HIVEP3: variants seen among roughly 807,000 people sequenced by gnomAD.
HIVEP3 encodes the protein transcription factor HIVEP3.
HIVEP3 carries 49 observed loss-of-function variants against 152.8 expected under a neutral mutation model. That is an observed-to-expected ratio of 0.32 (90% CI 0.26 to 0.41). The LOEUF is 0.41. Among genes scored for constraint, HIVEP3 ranks in the 10% least tolerant of loss-of-function variants. HIVEP3 has a pLI of 1.00. For synonymous variants in HIVEP3, 1,269 were observed against 1,289.0 expected (o/e 0.98, Z 0.33); for missense variants, 2,790 against 3,103.3 (o/e 0.90, Z 2.40).
chr1:41,768,338 G>T (rs538600697), intron 1 of HIVEP3, among the ~76,000 whole-genome samples: 6 of 152,104 alleles, frequency 3.9e-5, no homozygotes, highest in Non-Finnish European at 5.9e-5. Flanking sequence ...ATTCACTATC[G>T]CAAGAAGAGC....
chr1:41,625,861 T>TA (rs1645110091), intron 3 of HIVEP3, among the ~76,000 whole-genome samples: 1 of 152,230 alleles, frequency 6.6e-6, no homozygotes, highest in African/African-American at 2.4e-5. Flanking sequence ...AATTTGAACT[T>TA]AAAAAATAAT....
chr1:41,645,069 G>A lies in HIVEP3; in HGVS notation c.-720-16122C>T, dbSNP rs1281230130. Among the ~76,000 whole-genome samples the A allele has an allele frequency of 2.0e-4, 30 of 152,154 alleles. 1 individual carries two copies. Among genetic ancestry groups the A allele is most frequent in the Non-Finnish European group, 2.9e-5 (2 of 68,032 alleles). On this transcript the variant is annotated intron_variant, in intron 2 of 8. Transcript: ENST00000372583. ...CTCCACCCAGACCCAACATTCCAGA[G>A]AACAGGCAATACTGAGAACCATGCT...
intron 1 of HIVEP3, among the ~76,000 whole-genome samples, chr1:41,879,055 A>G (rs1029192973): frequency 1.7e-4 from 21 of 122,098 alleles, no homozygotes; most frequent in African/African-American, 5.4e-4. Flanking sequence ...TAATGCAGGC[A>G]CCTAAGCACT....
At chr1:41,975,704 G>A (rs963025616) in intron 1 of HIVEP3, among the ~76,000 whole-genome samples, 7 of 152,186 alleles carry the variant, frequency 4.6e-5, no homozygotes, top group African/African-American at 1.2e-4. Context: ...TGCCAAGGCC[G>A]CTCTCAAAGG....
At chr1:41,601,043 C>G (rs1019284437) in intron 3 of HIVEP3, among the ~76,000 whole-genome samples, 1 of 152,080 alleles carries the variant, frequency 6.6e-6, no homozygotes, top group Non-Finnish European at 1.5e-5. Flanking sequence ...TTCTTGGCAC[C>G]CGTGTTGAAG....
At chr1:41,736,143 T>G (rs1306729467) in intron 1 of HIVEP3, among the ~76,000 whole-genome samples, 3 of 152,120 alleles carry the variant, frequency 2.0e-5, no homozygotes, top group South Asian at 4.1e-4. Flanking sequence ...CGCTCCCACT[T>G]AGGAAGGAAT....
chr1:41,983,286 T>A (rs1411035205), intron 1 of HIVEP3, among the ~76,000 whole-genome samples: 2 of 152,224 alleles, frequency 1.3e-5, no homozygotes, highest in African/African-American at 4.8e-5. Context: ...TATCAAAAAT[T>A]ACTTACAGCA....
At chr1:41,735,791 A>T (rs1447376030) in intron 1 of HIVEP3, among the ~76,000 whole-genome samples, 2 of 152,162 alleles carry the variant, frequency 1.3e-5, no homozygotes, top group African/African-American at 2.4e-5. Context: ...TCACTGCCAG[A>T]CAAAGCCGCC....
chr1:41,610,632 G>A (rs934049042), intron 3 of HIVEP3, among the ~76,000 whole-genome samples: 1 of 152,210 alleles, frequency 6.6e-6, no homozygotes, highest in African/African-American at 2.4e-5. Context: ...GCCTTCTTCA[G>A]CTCTGGTGAG....
chr1:41,717,129 G>C (rs142682865), intron 1 of HIVEP3, among the ~76,000 whole-genome samples: 2,211 of 152,274 alleles, frequency 0.015, 25 homozygotes, highest in Non-Finnish European at 0.018. Context: ...CTGGGGGAAG[G>C]TTCTGGGTCT....
rs1557521207 is a variant in HIVEP3, at chr1:41,918,798, G to A, written c.-1186C>T. On this transcript the variant is annotated 5_prime_UTR_variant, in exon 1 of 9. Transcript: ENST00000372583. This position sits in a 1 kb window ranked among gnomAD's most constrained non-coding sequence, Gnocchi z 4.3. ...AAACCCAAACAGAAGCATCCCTCTT[G>A]AATTCGTGCTGCTGAAAAACACGGA... The A allele has an allele frequency of 6.6e-6, 1 of 152,176 alleles. No homozygotes were observed. 9.4% of individuals were successfully genotyped at this position (152,176 alleles called of 1,614,324 possible).
At chr1:41,631,862 C>T (rs192505248) in intron 2 of HIVEP3, among the ~76,000 whole-genome samples, 1 of 152,298 alleles carries the variant, frequency 6.6e-6, no homozygotes, top group Admixed American at 6.5e-5. Context: ...GAAACACTCA[C>T]TTCTCAGAAC....
intron 1 of HIVEP3, among the ~76,000 whole-genome samples, chr1:41,793,658 G>A (rs994956963): frequency 2.6e-5 from 4 of 152,126 alleles, no homozygotes; most frequent in African/African-American, 9.7e-5. Context: ...ATATATTCAG[G>A]GAAATATATT....
chr1:41,622,905 G>A (rs1024100898), intron 3 of HIVEP3, among the ~76,000 whole-genome samples: 3 of 152,226 alleles, frequency 2.0e-5, no homozygotes, highest in African/African-American at 7.2e-5. Context: ...ACTGGGCTGT[G>A]CCCTTTACAC....
intron 1 of HIVEP3, among the ~76,000 whole-genome samples, chr1:41,739,679 C>G (rs531770761): frequency 6.6e-6 from 1 of 152,374 alleles, no homozygotes; most frequent in South Asian, 2.1e-4. Flanking sequence ...CCAAGCATGT[C>G]TCAACCCCAG....
chr1:41,582,031 C>G lies in HIVEP3; in HGVS notation c.2767G>C (p.Glu923Gln), dbSNP rs747314389. The G allele has an allele frequency of 6.2e-7, 1 of 1,614,156 alleles. No individual in the cohort carries two copies. The highest frequency in any genetic ancestry group is 8.5e-7 in the Non-Finnish European group (1 of 1,180,028). The stretch of plus-strand genomic sequence containing the variant: ...CTGCGAGACAGAGGCACAGAGGACT[C>G]GAAGCTGGACTCCCCTGATGATTGG... ...MAQSSGESSF[E>Q]SSVPLSRSPS... The change falls in exon 4 of 9, where the codon GAG becomes CAG. Residue 923 changes from glutamate to glutamine, a missense_variant. Around this residue, in one of 9 missense-constraint regions of HIVEP3, gnomAD observed 1,078 missense variants for 1,165.3 expected, o/e 0.93. Transcript: ENST00000372583. This position sits in a 1 kb window ranked among gnomAD's most constrained non-coding sequence, Gnocchi z 4.7.
At chr1:41,684,258 C>T (rs1646083127) in intron 2 of HIVEP3, among the ~76,000 whole-genome samples, 1 of 152,316 alleles carries the variant, frequency 6.6e-6, no homozygotes, top group African/African-American at 2.4e-5. Flanking sequence ...GAAAGGGAAG[C>T]CCAGCCTGCT....
intron 3 of HIVEP3, among the ~76,000 whole-genome samples, chr1:41,616,413 T>A (rs1472251633): frequency 2.6e-5 from 4 of 152,140 alleles, no homozygotes. Flanking sequence ...CAGGGTAGGA[T>A]GTACTTTGAG....
At chr1:41,647,147 A>G (rs1468176863) in intron 2 of HIVEP3, among the ~76,000 whole-genome samples, 1 of 152,154 alleles carries the variant, frequency 6.6e-6, no homozygotes, top group African/African-American at 2.4e-5. Context: ...GGCAATCTTA[A>G]TTCCATCTGC....
Sources: allele counts gnomAD v4.1 joint callset (sites outside exome capture counted in the v4.1 genomes callset), GRCh38; gene constraint gnomAD v4.1.1; regional missense constraint gnomAD v4.1.1; non-coding constraint Gnocchi (gnomAD v3.1); transcripts MANE v1.5; gene names NCBI Gene and HGNC (gene_info 2026-07-23, HGNC 2026-07-21).